ANKS1B: variants seen among roughly 807,000 people sequenced by gnomAD.
ANKS1B encodes the protein ankyrin repeat and sterile alpha motif domain-containing protein 1B.
Under a neutral mutation model 148.3 loss-of-function variants are expected in ANKS1B, and 36 were observed. The observed-to-expected ratio is 0.24, with a 90% CI of 0.19 to 0.32. ANKS1B has a LOEUF of 0.32. Among genes scored for constraint, ANKS1B ranks in the 10% least tolerant of loss-of-function variants. The pLI is 1.00. For synonymous variants in ANKS1B, 542 were observed against 560.8 expected, an observed-to-expected ratio of 0.97 and a Z score of 0.47; for missense variants, 1,157 against 1,542.6, an observed-to-expected ratio of 0.75 and a Z score of 4.19.
At chr12:99,013,976 C>T (rs1182089482) in intron 17 of ANKS1B, among the ~76,000 whole-genome samples, 1 of 152,094 alleles carries the variant, frequency 6.6e-6, no homozygotes, top group Non-Finnish European at 1.5e-5. Flanking sequence ...CTATTCCTAT[C>T]AAACTACCAT....
rs371218985 is a variant in ANKS1B at position 99,631,502 on chromosome 12, T to A, written c.1272+23565A>T. 1.2e-4 allele frequency among the ~76,000 whole-genome samples: 18 copies of A among 152,202 alleles called. No individual in the cohort carries two copies. In the East Asian group the frequency reaches 3.1e-3, roughly 26 times the overall value. On this transcript the variant is annotated intron_variant, in intron 9 of 26. Transcript: ENST00000683438. ...TGGAAGTCCTTAGAGATTGGTTAAG[T>A]AGTCATGACCAGAGTGCTGATAGAA...
At position 98,848,743 on chromosome 12, in the gene ANKS1B, G is replaced by GTTTTTTTTTT. The variant is rs10695483; in HGVS notation, c.2779-16617_2779-16608dup. Among the ~76,000 whole-genome samples, 36 of 48,088 alleles carry GTTTTTTTTTT rather than the reference G, an allele frequency of 7.5e-4. 14 individuals carry two copies. Among genetic ancestry groups the GTTTTTTTTTT allele is most frequent in the Admixed American group, 2.3e-3 (7 of 3,030 alleles). 31.5% of individuals were successfully genotyped at this position (48,088 alleles called of 152,430 possible). A position where few individuals can be genotyped will look rare whatever the true frequency, so the allele number is the denominator to read the frequency against. On this transcript the variant is annotated intron_variant, in intron 17 of 26. Coordinates refer to ENST00000683438, the MANE Select transcript of ANKS1B (RefSeq NM_001352186.2). ...CTGGATTAATTTCTGTGTATGTGTGGTTTTTTTTTTTTTGAGACGGAGTCT... is the reference window on the plus strand; with the variant it reads ...CTGGATTAATTTCTGTGTATGTGTGGTTTTTTTTTTTTTTTTTTTTTTTGAGACGGAGTCT...
intron 17 of ANKS1B, among the ~76,000 whole-genome samples, chr12:99,045,402 T>A (rs1026741365): frequency 6.6e-5 from 10 of 152,170 alleles, no homozygotes; most frequent in African/African-American, 9.7e-5. Context: ...CTGCTGCTGG[T>A]CCCTATCTAC....
chr12:99,088,992 C>T (rs953908653), intron 15 of ANKS1B, among the ~76,000 whole-genome samples: 6 of 151,584 alleles, frequency 4.0e-5, no homozygotes, highest in Non-Finnish European at 7.4e-5. Context: ...ATTACAGGTG[C>T]CCGTCACCAT....
intron 23 of ANKS1B, among the ~76,000 whole-genome samples, chr12:98,781,769 A>G: frequency 6.6e-6 from 1 of 152,238 alleles, no homozygotes; most frequent in East Asian, 1.9e-4. Context: ...TATTTACAGC[A>G]GAATCACTTG....
At chr12:99,352,153 ATGT>A (rs1201482808) in intron 12 of ANKS1B, 2 of 151,932 alleles carry the variant, frequency 1.3e-5, no homozygotes, top group African/African-American at 4.8e-5. Context: ...AAATAAAAAC[ATGT>A]TCTTTACTCC....
chr12:99,533,264 G>T (rs2097022149), intron 9 of ANKS1B, among the ~76,000 whole-genome samples: 1 of 152,028 alleles, frequency 6.6e-6, no homozygotes, highest in South Asian at 2.1e-4. Flanking sequence ...AGTGTATTAG[G>T]TATTTTATTA....
At chr12:99,191,080 C>T (rs2080625200) in intron 14 of ANKS1B, among the ~76,000 whole-genome samples, 1 of 151,576 alleles carries the variant, frequency 6.6e-6, no homozygotes, top group South Asian at 2.1e-4. Context: ...TGTATGCAGC[C>T]AACAAACATG....
intron 17 of ANKS1B, among the ~76,000 whole-genome samples, chr12:98,908,511 A>C (rs1439307262): frequency 6.6e-6 from 1 of 152,192 alleles, no homozygotes; most frequent in Non-Finnish European, 1.5e-5. Flanking sequence ...CATCTGGAAA[A>C]CTGGTATCAT....
At chr12:99,466,721 C>T (rs2096123722) in intron 10 of ANKS1B, among the ~76,000 whole-genome samples, 2 of 152,012 alleles carry the variant, frequency 1.3e-5, no homozygotes, top group African/African-American at 2.4e-5. Context: ...CACATACACC[C>T]TCCCAAGACT....
At chr12:99,892,970 G>A (rs2093189998) in intron 1 of ANKS1B, among the ~76,000 whole-genome samples, 1 of 152,114 alleles carries the variant, frequency 6.6e-6, no homozygotes, top group Non-Finnish European at 1.5e-5. Flanking sequence ...GACATTAGAG[G>A]ACCCCCCACC....
In ANKS1B at chr12:99,812,284, A is replaced by G; in HGVS notation, c.243T>C (p.Tyr81=). ...HKDIVLKLLQ[Y]EASTNVADNK... ...TGTCTGCTACATTTGTTGATGCCTCATACTGAAGTAGTTTGAGAACTATGT... is the reference window on the plus strand; with the variant it reads ...TGTCTGCTACATTTGTTGATGCCTCGTACTGAAGTAGTTTGAGAACTATGT... Residue 81 remains tyrosine (Y), a synonymous_variant, in exon 3 of 27, where the codon TAT becomes TAC. Transcript: ENST00000683438. 6.2e-7 allele frequency: 1 copy of G among 1,611,550 alleles called. No individual in the cohort carries two copies. The highest frequency in any genetic ancestry group is 1.1e-5 in the South Asian group (1 of 90,982).
intron 12 of ANKS1B, among the ~76,000 whole-genome samples, chr12:99,377,153 G>A (rs1403992902): frequency 6.6e-5 from 10 of 151,744 alleles, no homozygotes; most frequent in African/African-American, 2.4e-4. Context: ...GACTACAGTC[G>A]CGCGTGACCA....
intron 14 of ANKS1B, among the ~76,000 whole-genome samples, chr12:99,206,085 T>C (rs565759406): frequency 8.5e-5 from 13 of 152,294 alleles, no homozygotes; most frequent in African/African-American, 3.1e-4. Context: ...ATAAGCTGCA[T>C]GTAAAATAGG....
intron 8 of ANKS1B, among the ~76,000 whole-genome samples, chr12:99,716,511 T>C (rs1025828640): frequency 5.3e-5 from 8 of 152,120 alleles, no homozygotes; most frequent in Non-Finnish European, 7.4e-5. Context: ...AACTCACACC[T>C]GACCTAAAAC....
intron 10 of ANKS1B, among the ~76,000 whole-genome samples, chr12:99,482,906 T>C (rs1314945992): frequency 6.6e-6 from 1 of 152,054 alleles, no homozygotes; most frequent in African/African-American, 2.4e-5. Flanking sequence ...CAGGAGTCTT[T>C]TGGAGAGTTT....
chr12:99,790,656 T>C (rs986832421), intron 4 of ANKS1B, among the ~76,000 whole-genome samples: 18 of 152,130 alleles, frequency 1.2e-4, no homozygotes, highest in African/African-American at 4.3e-4. Flanking sequence ...TTTCTTTTTG[T>C]GTGTTTGTTT....
At position 99,812,654 on chromosome 12, in the gene ANKS1B, C is replaced by T. The variant is rs140267952; in HGVS notation, c.216-343G>A. ...CATATAAGCAAAACTTAACTTATTT[C>T]ATTAATTAGATGAGCTAAGTAAAAT... is the stretch of plus-strand genomic sequence containing the variant. On this transcript the variant is annotated intron_variant, in intron 2 of 26. Transcript: ENST00000683438. Among the ~76,000 whole-genome samples, 1,493 of 150,754 alleles carry T rather than the reference C, an allele frequency of 9.9e-3. 23 individuals carry two copies. The highest frequency in any genetic ancestry group is 0.034 in the African/African-American group (1,410 of 41,138).
intron 17 of ANKS1B, among the ~76,000 whole-genome samples, chr12:98,958,011 G>A (rs1408264496): frequency 2.0e-5 from 3 of 152,112 alleles, no homozygotes; most frequent in Admixed American, 6.5e-5. Flanking sequence ...GAGGATGAGC[G>A]ACAGAAGAAA....
Sources: allele counts gnomAD v4.1 joint callset (sites outside exome capture counted in the v4.1 genomes callset), GRCh38; gene constraint gnomAD v4.1.1; transcripts MANE v1.5; gene names NCBI Gene and HGNC (gene_info 2026-07-23, HGNC 2026-07-21).